Variants in XYLT1 observed in about 807,000 individuals in gnomAD.
The protein encoded by XYLT1 is xylosyltransferase 1.
In XYLT1, 36 loss-of-function variants were observed where a neutral mutation model predicts 91.3. That is an observed-to-expected ratio of 0.39 (90% CI 0.30 to 0.52). The LOEUF (loss-of-function observed/expected upper bound fraction) is 0.52, where lower values mean the gene tolerates loss of function less well. Ranked by LOEUF, XYLT1 falls within the 20% of genes least tolerant of loss-of-function variation. The pLI is 0.68. For missense variants in XYLT1, 1,242 were observed against 1,284.5 expected (o/e 0.97, Z 0.51); for synonymous variants, 588 against 532.0 (o/e 1.11, Z -1.45).
At position 17,437,996 on chromosome 16, in the gene XYLT1, C is replaced by T. The variant is rs141124188; in HGVS notation, c.363+32438G>A. On this transcript the variant is annotated intron_variant, in intron 1 of 11. Transcript: ENST00000261381. ...TACAAACTATCAGAAGAAGAAAAACCCTCACATCAAATGCGAATGGAACAT... is the reference window on the plus strand; with the variant it reads ...TACAAACTATCAGAAGAAGAAAAACTCTCACATCAAATGCGAATGGAACAT... 2.8e-3 allele frequency among the ~76,000 whole-genome samples: 428 copies of T among 152,172 alleles called. 4 individuals are homozygous for T. Among genetic ancestry groups the T allele is most frequent in the African/African-American group, 9.9e-3 (409 of 41,504 alleles).
chr16:17,239,369 TCCATTCATC>T (rs145527429), intron 3 of XYLT1, among the ~76,000 whole-genome samples: 6,616 of 147,590 alleles, frequency 0.045, 243 homozygotes, highest in South Asian at 0.12. Context: ...CATCTATCCA[TCCATTCATC>T]CCATTCATCC....
chr16:17,132,130 T>G (rs1036716779), intron 9 of XYLT1, among the ~76,000 whole-genome samples: 1 of 152,176 alleles, frequency 6.6e-6, no homozygotes, highest in Non-Finnish European at 1.5e-5. Context: ...CTGTAATTAT[T>G]ATGGAACGAC....
intron 1 of XYLT1, among the ~76,000 whole-genome samples, chr16:17,367,540 T>C (rs1265823105): frequency 6.6e-6 from 1 of 152,178 alleles, no homozygotes; most frequent in East Asian, 1.9e-4. Context: ...CCCACAGACA[T>C]TGTCTGGAGT....
chr16:17,226,906 A>G (rs1411436314), intron 3 of XYLT1: 3 of 152,244 alleles, frequency 2.0e-5, no homozygotes, highest in Non-Finnish European at 4.4e-5. Flanking sequence ...TTTGAGCCTC[A>G]GTTTCCACAT....
intron 1 of XYLT1, among the ~76,000 whole-genome samples, chr16:17,407,270 A>T (rs989807199): frequency 1.3e-5 from 2 of 152,154 alleles, no homozygotes; most frequent in African/African-American, 2.4e-5. Context: ...AAGTGCTAGG[A>T]TTACAGGCAG....
At chr16:17,186,382 C>T (rs1380888032) in intron 5 of XYLT1, among the ~76,000 whole-genome samples, 5 of 151,994 alleles carry the variant, frequency 3.3e-5, no homozygotes, top group East Asian at 1.9e-4. Flanking sequence ...GGATTACAGA[C>T]GTGAGCCACC....
At chr16:17,465,685 A>G (rs1171147111) in intron 1 of XYLT1, among the ~76,000 whole-genome samples, 14 of 152,144 alleles carry the variant, frequency 9.2e-5, no homozygotes, top group Non-Finnish European at 1.8e-4. Flanking sequence ...GCTCACACAG[A>G]AACAGCTATA....
chr16:17,325,929 A>C (rs1481997180), intron 2 of XYLT1, among the ~76,000 whole-genome samples: 2 of 152,228 alleles, frequency 1.3e-5, no homozygotes, highest in African/African-American at 4.8e-5. Flanking sequence ...CCCTATGTTC[A>C]GGAGGGACCT....
intron 5 of XYLT1, among the ~76,000 whole-genome samples, chr16:17,164,199 C>T (rs1253196183): frequency 6.6e-6 from 1 of 151,946 alleles, no homozygotes; most frequent in Non-Finnish European, 1.5e-5. Context: ...TCTAGTGTAC[C>T]CATAATCTTT....
chr16:17,416,184 G>A (rs2036177754), intron 1 of XYLT1, among the ~76,000 whole-genome samples: 1 of 152,164 alleles, frequency 6.6e-6, no homozygotes, highest in African/African-American at 2.4e-5. Context: ...TACAGCTCCC[G>A]CCCTGTCCTG....
At chr16:17,282,973 C>T (rs62033196) in intron 2 of XYLT1, among the ~76,000 whole-genome samples, 13,809 of 149,910 alleles carry the variant, frequency 0.092, 838 homozygotes, top group Non-Finnish European at 0.14. Flanking sequence ...CCCCCCAAGT[C>T]ACACAGCTAG....
At chr16:17,428,216 T>C (rs937639719) in intron 1 of XYLT1, among the ~76,000 whole-genome samples, 1 of 152,152 alleles carries the variant, frequency 6.6e-6, no homozygotes, top group African/African-American at 2.4e-5. Flanking sequence ...ACTCCTGGCC[T>C]CAGATGATCT....
At chr16:17,455,196 C>T (rs1210458019) in intron 1 of XYLT1, among the ~76,000 whole-genome samples, 6 of 151,962 alleles carry the variant, frequency 3.9e-5, no homozygotes, top group African/African-American at 7.3e-5. Context: ...GCCGGGATCC[C>T]GGGGGCTGGT....
intron 2 of XYLT1, among the ~76,000 whole-genome samples, chr16:17,260,404 A>G (rs936350): frequency 0.66 from 100,873 of 152,088 alleles, 35,757 homozygotes; most frequent in African/African-American, 0.92. Flanking sequence ...AGCATATCCA[A>G]TGTCCTACAA....
intron 2 of XYLT1, among the ~76,000 whole-genome samples, chr16:17,279,831 C>T (rs989055322): frequency 3.3e-5 from 5 of 152,170 alleles, no homozygotes; most frequent in African/African-American, 1.2e-4. Flanking sequence ...CCTGCAAGTC[C>T]TCAAGCAGTC....
At chr16:17,424,611 C>T (rs2036289994) in intron 1 of XYLT1, among the ~76,000 whole-genome samples, 3 of 151,844 alleles carry the variant, frequency 2.0e-5, no homozygotes, top group Non-Finnish European at 4.4e-5. Context: ...TGGCTCATGC[C>T]GTGATCCCAG....
intron 3 of XYLT1, among the ~76,000 whole-genome samples, chr16:17,212,718 C>T (rs187991003): frequency 2.4e-3 from 367 of 152,182 alleles, no homozygotes; most frequent in Middle Eastern, 0.01. Context: ...ATGACTGAAC[C>T]GTCTTATTGA....
chr16:17,347,109 G>C (rs1226137111), intron 2 of XYLT1, among the ~76,000 whole-genome samples: 2 of 152,232 alleles, frequency 1.3e-5, no homozygotes, highest in African/African-American at 4.8e-5. Flanking sequence ...TTGGCTCTCA[G>C]AGGTACAAAC....
At chr16:17,135,085 G>C (rs1057364467) in intron 8 of XYLT1, among the ~76,000 whole-genome samples, 6 of 152,072 alleles carry the variant, frequency 3.9e-5, no homozygotes, top group Non-Finnish European at 7.4e-5. Flanking sequence ...AGTAATCTAG[G>C]GCAAATAAAT....
Sources: gnomAD v4.1 joint callset for allele counts (sites outside exome capture counted in the v4.1 genomes callset) on GRCh38, gnomAD v4.1.1 for gene constraint, MANE v1.5 for transcripts, NCBI Gene and HGNC (gene_info 2026-07-23, HGNC 2026-07-21) for gene names.